AFF1: variants seen among roughly 807,000 people sequenced by gnomAD.
The protein encoded by AFF1 is ALF transcription elongation factor 1.
Under a neutral mutation model 121.7 loss-of-function variants are expected in AFF1, and 48 were observed. That is an observed-to-expected ratio of 0.39 (90% CI 0.31 to 0.50). The LOEUF is 0.50. Ranked by LOEUF, AFF1 falls within the 20% of genes least tolerant of loss-of-function variation. AFF1 has a pLI of 0.76. For missense variants in AFF1, 1,523 were observed against 1,511.7 expected (o/e 1.01, Z -0.12); for synonymous variants, 613 against 563.0 (o/e 1.09, Z -1.26).
At chr4:86,976,929 G>A (rs1723345917) in intron 2 of AFF1, among the ~76,000 whole-genome samples, 1 of 152,158 alleles carries the variant, frequency 6.6e-6, no homozygotes, top group Non-Finnish European at 1.5e-5. Flanking sequence ...TTATTGTAGT[G>A]ATTAAGTAAC....
intron 4 of AFF1, among the ~76,000 whole-genome samples, chr4:87,051,966 T>C (rs1437141777): frequency 2.0e-5 from 3 of 152,244 alleles, no homozygotes; most frequent in South Asian, 2.1e-4. Flanking sequence ...GAGGATGAGA[T>C]GAATCAGAGG....
intron 17 of AFF1, among the ~76,000 whole-genome samples, 175 bp from the exon 18 acceptor site, chr4:87,131,618 A>C (rs763499554): frequency 2.4e-4 from 37 of 152,190 alleles, no homozygotes; most frequent in Non-Finnish European, 3.8e-4. Context: ...GTACTCACCT[A>C]GTTTTCTCAA....
chr4:86,958,089 TC>T (rs1721878052), intron 2 of AFF1, among the ~76,000 whole-genome samples: 1 of 112,002 alleles, frequency 8.9e-6, no homozygotes, highest in East Asian at 2.8e-4. Context: ...TCTTTTTTTT[TC>T]CTTTTTTTTT....
chr4:87,034,390 A>G (rs1426599164), intron 2 of AFF1, among the ~76,000 whole-genome samples: 1 of 152,222 alleles, frequency 6.6e-6, no homozygotes, highest in African/African-American at 2.4e-5. Context: ...CAGTGGAAGG[A>G]CCGCTTAATT....
chr4:86,945,009 A>C (rs879702714), intron 1 of AFF1, among the ~76,000 whole-genome samples: 9 of 152,252 alleles, frequency 5.9e-5, no homozygotes, highest in Non-Finnish European at 8.8e-5. Flanking sequence ...TTAGATAGTA[A>C]TGTACATTCC....
intron 2 of AFF1, among the ~76,000 whole-genome samples, chr4:87,039,937 T>C (rs1235217892): frequency 6.6e-6 from 1 of 152,202 alleles, no homozygotes; most frequent in African/African-American, 2.4e-5. Context: ...AGTCTCGCTC[T>C]GTAGCCCAGG....
At position 86,993,832 on chromosome 4, in the gene AFF1, T is replaced by C. The variant is rs995696496; in HGVS notation, c.38+45261T>C. 2.0e-5 allele frequency among the ~76,000 whole-genome samples: 3 copies of C among 152,242 alleles called. No individual in the cohort carries two copies. The East Asian group carries it at 5.8e-4, about 29-fold the overall frequency. On this transcript the variant is annotated intron_variant, in intron 2 of 20. Coordinates refer to ENST00000395146, the MANE Select transcript of AFF1 (RefSeq NM_001166693.3). Reference sequence around the variant, plus strand: ...ACAAAAAATTAGCTGGGCATGGTAATGTGTGCCTGTAATTCCAGCTACTCG... The same window carrying C: ...ACAAAAAATTAGCTGGGCATGGTAACGTGTGCCTGTAATTCCAGCTACTCG...
At chr4:86,937,988 C>G (rs2149437549) in intron 1 of AFF1, among the ~76,000 whole-genome samples, 1 of 152,212 alleles carries the variant, frequency 6.6e-6, no homozygotes, top group Non-Finnish European at 1.5e-5. Flanking sequence ...AAAAATTGAG[C>G]TTAGAAAGGG....
intron 6 of AFF1, among the ~76,000 whole-genome samples, chr4:87,091,351 C>T (rs1193065430): frequency 6.6e-6 from 1 of 152,042 alleles, no homozygotes; most frequent in African/African-American, 2.4e-5. Flanking sequence ...TGCAGTGAGC[C>T]GAGATTGCAC....
chr4:86,979,895 T>A (rs1192186464), intron 2 of AFF1, among the ~76,000 whole-genome samples: 1 of 152,236 alleles, frequency 6.6e-6, no homozygotes, highest in Non-Finnish European at 1.5e-5. Context: ...GGCTCACTTC[T>A]AGAAATCTAT....
intron 2 of AFF1, among the ~76,000 whole-genome samples, chr4:86,984,448 C>T (rs894500473): frequency 1.3e-5 from 2 of 151,804 alleles, no homozygotes; most frequent in Non-Finnish European, 2.9e-5. Context: ...TTCAGCCTCC[C>T]GAGTAGCTGA....
chr4:87,108,336 A>G (rs1238652499), intron 11 of AFF1, 21 bp downstream of exon 11: 3 of 1,608,648 alleles, frequency 1.9e-6, no homozygotes, highest in East Asian at 4.5e-5. Flanking sequence ...CCCCCTCGAG[A>G]TGGCCACCTT....
Position 87,000,605 on chromosome 4 carries a change from CTGTGTGTGTGTGTGTG to C in AFF1, c.39-45540_39-45525del, listed in dbSNP as rs57615388. Among the ~76,000 whole-genome samples the C allele has an allele frequency of 1.4e-3, 206 of 146,480 alleles. 3 individuals carry two copies. The highest frequency in any genetic ancestry group is 7.1e-3 in the Middle Eastern group (2 of 282). On this transcript the variant is annotated intron_variant, in intron 2 of 20. Coordinates refer to ENST00000395146, the MANE Select transcript of AFF1 (RefSeq NM_001166693.3). The stretch of plus-strand genomic sequence containing the variant: ...TAAAACATTTATTAAAAAATAAACT[CTGTGTGTGTGTGTGTG>C]TGTGTGTGTGTGTGTGTGTGGCAGA...
At chr4:86,969,147 G>C (rs908553337) in intron 2 of AFF1, among the ~76,000 whole-genome samples, 1 of 143,946 alleles carries the variant, frequency 6.9e-6, no homozygotes, top group African/African-American at 2.6e-5. Flanking sequence ...CTTGACCAGA[G>C]GGTGCATTTG....
intron 11 of AFF1, among the ~76,000 whole-genome samples, chr4:87,113,997 T>C (rs927545635): frequency 6.6e-6 from 1 of 152,246 alleles, no homozygotes; most frequent in African/African-American, 2.4e-5. Flanking sequence ...CTTGATGAAA[T>C]GATTTTTTAC....
chr4:87,119,858 A>G (rs1484311368), intron 12 of AFF1, among the ~76,000 whole-genome samples: 1 of 152,212 alleles, frequency 6.6e-6, no homozygotes, highest in Non-Finnish European at 1.5e-5. Flanking sequence ...TTGAAGAGTG[A>G]GGAAGGGAAG....
At chr4:86,969,686 C>G (rs1373490852) in intron 2 of AFF1, among the ~76,000 whole-genome samples, 1 of 151,316 alleles carries the variant, frequency 6.6e-6, no homozygotes, top group African/African-American at 2.4e-5. Flanking sequence ...CGAGACCATC[C>G]TGGCTAACAC....
At position 87,046,833 on chromosome 4, in the gene AFF1, C is replaced by T. The variant is rs1168743417; in HGVS notation, c.298C>T (p.Pro100Ser). ...SENRLGKPKYPLIPDKGSSIP... is the reference protein window; with the variant it reads ...SENRLGKPKYSLIPDKGSSIP... ...AAATAGGTTGGGAAAGCCGAAATATCCTTTAATTCCTGACAAAGGGAGCAG... is the reference window on the plus strand; with the variant it reads ...AAATAGGTTGGGAAAGCCGAAATATTCTTTAATTCCTGACAAAGGGAGCAG... The change falls in exon 4 of 21, where the codon CCT becomes TCT. Residue 100 changes from proline to serine, a missense_variant. Pro to Ser is a moderately conservative substitution (Grantham distance 74). This residue lies in a region of AFF1 where 369 missense variants were observed against 367.2 expected (regional missense o/e 1.00). Coordinates refer to ENST00000395146, the MANE Select transcript of AFF1 (RefSeq NM_001166693.3). The T allele has an allele frequency of 6.2e-7, 1 of 1,614,212 alleles. No individual in the cohort carries two copies. The highest frequency in any genetic ancestry group is 8.5e-7 in the Non-Finnish European group (1 of 1,180,044).
rs1729446409 is a variant in AFF1, at chr4:87,138,138, C to A, written c.*2437C>A. ...ACTTTGGTCATTGGATATTTCTGAT[C>A]CTTATTGCATTGTACCTAAAGGAGA... On this transcript the variant is annotated 3_prime_UTR_variant, in exon 21 of 21. Transcript: ENST00000395146. 4.3e-6 allele frequency: 1 copy of A among 230,892 alleles called. No individual in the cohort carries two copies. Among genetic ancestry groups the A allele is most frequent in the African/African-American group, 2.2e-5 (1 of 45,026 alleles). The allele number at this position is 230,892 out of a possible 1,614,324, so 14.3% of individuals were successfully genotyped here. A position where few individuals can be genotyped will look rare whatever the true frequency, so the allele number is the denominator to read the frequency against.
Sources: allele counts gnomAD v4.1 joint callset (sites outside exome capture counted in the v4.1 genomes callset), GRCh38; gene constraint gnomAD v4.1.1; regional missense constraint gnomAD v4.1.1; transcripts MANE v1.5; gene names NCBI Gene and HGNC (gene_info 2026-07-23, HGNC 2026-07-21).